GANC: variants seen among roughly 807,000 people sequenced by gnomAD.
The protein encoded by GANC is glucosidase alpha, neutral C.
In GANC, 117 loss-of-function variants were observed where a neutral mutation model predicts 124.2. The ratio of observed to expected loss-of-function variants is 0.94; its 90% CI spans 0.81 to 1.10. The LOEUF (loss-of-function observed/expected upper bound fraction) is 1.10, where lower values mean the gene tolerates loss of function less well. GANC is among the 50% of genes least tolerant of loss of function. The probability of loss-of-function intolerance (pLI) is 0.00; values close to 1 mark genes in which losing one functional copy is unlikely to be tolerated. For synonymous variants in GANC, 377 were observed against 376.8 expected (o/e 1.00, Z -0.01); for missense variants, 1,140 against 1,095.0 (o/e 1.04, Z -0.58).
intron 10 of GANC, 98 bp downstream of exon 10, chr15:42,310,944 G>A: frequency 2.3e-6 from 3 of 1,309,004 alleles, no homozygotes; most frequent in South Asian, 1.4e-5. Context: ...ACTATGTAGA[G>A]TTTATAACTT....
At position 42,321,728 on chromosome 15, in the gene GANC, A is replaced by C. The variant is rs80071462; in HGVS notation, c.1058-57A>C. 2.3e-3 allele frequency: 3,231 copies of C among 1,418,242 alleles called. 58 individuals carry two copies. In the African/African-American group the frequency reaches 0.04, roughly 18 times the overall value. 87.9% of individuals were successfully genotyped at this position (1,418,242 alleles called of 1,614,324 possible). The stretch of plus-strand genomic sequence containing the variant: ...TGTAGACATTCAGGAAATGTTTATC[A>C]AATGAATAATGGTCATTGCCATGGC... On this transcript the variant is annotated intron_variant, in intron 10 of 23. Coordinates refer to ENST00000318010, the MANE Select transcript of GANC (RefSeq NM_198141.3).
At chr15:42,304,967 A>C (rs1595771020) in intron 6 of GANC, among the ~76,000 whole-genome samples, 1 of 152,208 alleles carries the variant, frequency 6.6e-6, no homozygotes, top group African/African-American at 2.4e-5. Flanking sequence ...ACTCAAGATG[A>C]ATTAAAGACT....
intron 2 of GANC, 63 bp from the exon 3 acceptor site, chr15:42,278,419 T>C (rs2051697450): frequency 1.8e-6 from 2 of 1,088,150 alleles, no homozygotes; most frequent in Non-Finnish European, 1.4e-6. Context: ...CATGATAATA[T>C]AGTCTTTTGG....
In GANC at chr15:42,339,651, G is replaced by A. The variant is rs776670682; in HGVS notation, c.1844-18G>A. ...ATCCAAAGCTTGGTTGCCTCACTTG[G>A]CCTTCTTTTGCTTCCAGCTGACATA... On this transcript the variant is annotated intron_variant, in intron 16 of 23. Coordinates refer to ENST00000318010, the MANE Select transcript of GANC (RefSeq NM_198141.3). 5 of 1,607,580 alleles carry A rather than the reference G, an allele frequency of 3.1e-6. No individual in the cohort carries two copies. The highest frequency in any genetic ancestry group is 4.3e-6 in the Non-Finnish European group (5 of 1,175,824).
chr15:42,306,763 T>C (rs1476899619), intron 7 of GANC, 151 bp downstream of exon 7: 2 of 600,300 alleles, frequency 3.3e-6, no homozygotes, highest in Admixed American at 3.0e-5. Context: ...CCTTCAGTAA[T>C]GCATTGCATC....
chr15:42,351,661 T>A (rs961039012), intron 23 of GANC, among the ~76,000 whole-genome samples: 4 of 152,248 alleles, frequency 2.6e-5, no homozygotes, highest in Admixed American at 1.3e-4. Flanking sequence ...ATTTGGGGCT[T>A]GAAATAATAT....
At chr15:42,319,427 C>T (rs1022458185) in intron 10 of GANC, among the ~76,000 whole-genome samples, 3 of 152,136 alleles carry the variant, frequency 2.0e-5, no homozygotes, top group Admixed American at 6.5e-5. Context: ...TCACTGCAGC[C>T]TCTAGCTCCT....
At position 42,308,893 on chromosome 15, in the gene GANC, C is replaced by T. The variant is rs1038571015; in HGVS notation, c.722+575C>T. Among the ~76,000 whole-genome samples the T allele has an allele frequency of 7.2e-5, 11 of 152,256 alleles. No homozygotes were observed. The South Asian group carries it at 1.5e-3, about 20-fold the overall frequency. On this transcript the variant is annotated intron_variant, in intron 8 of 23. Transcript: ENST00000318010. ...AGTAAAATTATGGAGCTGCTGTGAT[C>T]AGAATAGAGGGAAGATCTTTATCCT...
intron 6 of GANC, among the ~76,000 whole-genome samples, chr15:42,299,522 C>G (rs2141033548): frequency 6.6e-6 from 1 of 152,260 alleles, no homozygotes; most frequent in African/African-American, 2.4e-5. Flanking sequence ...CTGAAGTTTT[C>G]TTACTGCCCA....
intron 13 of GANC, among the ~76,000 whole-genome samples, chr15:42,328,712 A>G (rs540906374): frequency 6.6e-6 from 1 of 152,320 alleles, no homozygotes; most frequent in South Asian, 2.1e-4. Context: ...GTCAAACGCC[A>G]AAAGATAAGT....
intron 6 of GANC, among the ~76,000 whole-genome samples, chr15:42,305,598 A>G (rs1477941330): frequency 2.0e-5 from 3 of 152,230 alleles, no homozygotes; most frequent in East Asian, 3.8e-4. Flanking sequence ...ATTACTGGGT[A>G]TATTTCTAAA....
chr15:42,331,702 T>G (rs555567834), intron 15 of GANC, among the ~76,000 whole-genome samples: 1 of 152,268 alleles, frequency 6.6e-6, no homozygotes, highest in East Asian at 1.9e-4. Flanking sequence ...GAAACAAAAG[T>G]AAGAAAGAAA....
intron 11 of GANC, among the ~76,000 whole-genome samples, chr15:42,324,121 A>C (rs960387470): frequency 6.6e-6 from 1 of 152,208 alleles, no homozygotes; most frequent in Non-Finnish European, 1.5e-5. Context: ...TGGGCAAAGA[A>C]CTTGAATAGA....
At chr15:42,295,690 C>T (rs929099892) in intron 5 of GANC, among the ~76,000 whole-genome samples, 3 of 134,774 alleles carry the variant, frequency 2.2e-5, no homozygotes, top group African/African-American at 5.8e-5. Flanking sequence ...ACACACACAG[C>T]GTGAACAAAA....
At chr15:42,303,762 C>T (rs949706850) in intron 6 of GANC, among the ~76,000 whole-genome samples, 5 of 150,504 alleles carry the variant, frequency 3.3e-5, no homozygotes, top group African/African-American at 1.2e-4. Flanking sequence ...CAAAAAAGGG[C>T]ATTACATAAT....
chr15:42,276,452 A>C (rs753552140), intron 2 of GANC, 42 bp downstream of exon 2: 2 of 899,944 alleles, frequency 2.2e-6, no homozygotes, highest in East Asian at 4.9e-5. Flanking sequence ...AACATCTCTG[A>C]CAGTATTTCA....
intron 3 of GANC, among the ~76,000 whole-genome samples, chr15:42,279,512 T>G (rs2051710235): frequency 6.6e-6 from 1 of 152,228 alleles, no homozygotes; most frequent in South Asian, 2.1e-4. Context: ...GAAGTATATC[T>G]TAAGTGCTTT....
At position 42,352,204 on chromosome 15, in the gene GANC, T is replaced by A; in HGVS notation, c.*65T>A. ...GCCCCTTTCAACCTTTCCCCTCACCTTTTTTGAGATTTTTGCTGCAATCTG... is the reference window on the plus strand; with the variant it reads ...GCCCCTTTCAACCTTTCCCCTCACCATTTTTGAGATTTTTGCTGCAATCTG... On this transcript the variant is annotated 3_prime_UTR_variant, in exon 24 of 24. Transcript: ENST00000318010. 1.9e-6 allele frequency: 3 copies of A among 1,582,568 alleles called. No homozygotes were observed. In the South Asian group the frequency reaches 3.4e-5, roughly 18 times the overall value.
At chr15:42,319,829 C>T (rs529026003) in intron 10 of GANC, among the ~76,000 whole-genome samples, 1 of 152,218 alleles carries the variant, frequency 6.6e-6, no homozygotes, top group Non-Finnish European at 1.5e-5. Context: ...ATCTGAAAAT[C>T]CAAAGCCCAA....
Sources: allele counts gnomAD v4.1 joint callset (sites outside exome capture counted in the v4.1 genomes callset), GRCh38; gene constraint gnomAD v4.1.1; transcripts MANE v1.5; gene names NCBI Gene and HGNC (gene_info 2026-07-23, HGNC 2026-07-21).